The following SCUBE2 variants were observed in gnomAD, a reference collection of about 807,000 sequenced individuals.
SCUBE2 encodes signal peptide, CUB and EGF-like domain-containing protein 2.
SCUBE2 carries 114 observed loss-of-function variants against 125.9 expected under a neutral mutation model. The ratio of observed to expected loss-of-function variants is 0.91; its 90% CI spans 0.78 to 1.06. SCUBE2 has a LOEUF of 1.06. Ranked by LOEUF, SCUBE2 falls within the 50% of genes least tolerant of loss-of-function variation. The probability of loss-of-function intolerance (pLI) is 0.00; values close to 1 mark genes in which losing one functional copy is unlikely to be tolerated. For synonymous variants in SCUBE2, 459 were observed against 492.9 expected, an observed-to-expected ratio of 0.93 and a Z score of 0.91; for missense variants, 1,255 against 1,301.8, an observed-to-expected ratio of 0.96 and a Z score of 0.55.
Position 9,091,309 on chromosome 11 carries a change from G to T in SCUBE2, c.133+87C>A, listed in dbSNP as rs977603748. The T allele has an allele frequency of 7.2e-6, 7 of 971,054 alleles. No individual in the cohort carries two copies. Among genetic ancestry groups the T allele is most frequent in the Non-Finnish European group, 9.2e-6 (7 of 758,362 alleles). The allele number at this position is 971,054 out of a possible 1,614,324, so 60.2% of individuals were successfully genotyped here. On this transcript the variant is annotated intron_variant, in intron 1 of 22. Coordinates refer to ENST00000649792, the MANE Select transcript of SCUBE2 (RefSeq NM_001367977.2). This position sits in a 1 kb window ranked among gnomAD's most constrained non-coding sequence, Gnocchi z 8.5. ...CAGCCGCCAGCCCCGAGCCCCGCGCGCCCGGCTCTGGACTCCGCCGGGGAC... is the reference window on the plus strand; with the variant it reads ...CAGCCGCCAGCCCCGAGCCCCGCGCTCCCGGCTCTGGACTCCGCCGGGGAC...
At chr11:9,052,640 A>T in intron 13 of SCUBE2, 106 bp downstream of exon 13, 1 of 808,178 alleles carries the variant, frequency 1.2e-6, no homozygotes, top group Non-Finnish European at 1.9e-6. Context: ...GCATCAAGGA[A>T]ATTAACAGAA....
At chr11:9,063,596 T>C (rs1031450224) in intron 7 of SCUBE2, among the ~76,000 whole-genome samples, 3 of 152,216 alleles carry the variant, frequency 2.0e-5, no homozygotes, top group Non-Finnish European at 4.4e-5. Context: ...CAATAAAGGG[T>C]GCAGGTAGAA....
chr11:9,027,995 T>C (rs1054563985), intron 19 of SCUBE2, among the ~76,000 whole-genome samples: 1 of 152,192 alleles, frequency 6.6e-6, no homozygotes, highest in African/African-American at 2.4e-5. Flanking sequence ...GACAGACATA[T>C]ATTTTTCACT....
At chr11:9,060,637 C>G (rs1426083137) in intron 7 of SCUBE2, 113 bp from the exon 8 acceptor site, 2 of 786,886 alleles carry the variant, frequency 2.5e-6, no homozygotes, top group African/African-American at 3.4e-5. Flanking sequence ...TACCCCAAGT[C>G]TCTGCTACCT....
At chr11:9,087,579 C>A (rs1325483679) in intron 2 of SCUBE2, among the ~76,000 whole-genome samples, 6 of 152,254 alleles carry the variant, frequency 3.9e-5, no homozygotes, top group Admixed American at 3.9e-4. Flanking sequence ...GGATCACCAA[C>A]CCCACTTGCT....
At chr11:9,054,698 AGTGTAT>A (rs1465486468) in intron 10 of SCUBE2, among the ~76,000 whole-genome samples, 1 of 61,226 alleles carries the variant, frequency 1.6e-5, no homozygotes, top group African/African-American at 8.6e-5. Flanking sequence ...GCAAAGCACT[AGTGTAT>A]ATATATATAT....
chr11:9,054,733 T>A (rs1303187234), intron 10 of SCUBE2, among the ~76,000 whole-genome samples: 94 of 82,158 alleles, frequency 1.1e-3, no homozygotes, highest in Middle Eastern at 6.3e-3. Flanking sequence ...ATATTTTTTT[T>A]TTTTTTTTTT....
intron 16 of SCUBE2, among the ~76,000 whole-genome samples, chr11:9,036,066 T>G (rs944050163): frequency 2.0e-5 from 3 of 152,170 alleles, no homozygotes; most frequent in Non-Finnish European, 4.4e-5. Flanking sequence ...TTTTTTGTAT[T>G]TTTAATAGAA....
At chr11:9,051,351 G>C (rs995469928) in intron 13 of SCUBE2, among the ~76,000 whole-genome samples, 1 of 152,120 alleles carries the variant, frequency 6.6e-6, no homozygotes, top group Admixed American at 6.5e-5. Context: ...GAGAAAAAAA[G>C]GCCAGAATCC....
chr11:9,072,590 G>A (rs937802468), intron 4 of SCUBE2, among the ~76,000 whole-genome samples: 3 of 152,150 alleles, frequency 2.0e-5, no homozygotes, highest in Non-Finnish European at 4.4e-5. Flanking sequence ...ACTTTTTACA[G>A]GCTGTTCTAT....
intron 2 of SCUBE2, among the ~76,000 whole-genome samples, chr11:9,082,703 A>G (rs1485962304): frequency 6.6e-6 from 1 of 152,260 alleles, no homozygotes; most frequent in Non-Finnish European, 1.5e-5. Context: ...CATTTTGCTA[A>G]GTGAAAGAAT....
At position 9,046,850 on chromosome 11, in the gene SCUBE2, C is replaced by A. The variant is rs941686650; in HGVS notation, c.2002+506G>T. 2.6e-5 allele frequency among the ~76,000 whole-genome samples: 4 copies of A among 152,278 alleles called. No individual in the cohort carries two copies. In the South Asian group the frequency reaches 6.2e-4, roughly 24 times the overall value. ...CAAAGCAACAAATTTGAGCTGTGGG[C>A]CTAAGGCTGACAATTCTCTGGAACA... On this transcript the variant is annotated intron_variant, in intron 16 of 22. Transcript: ENST00000649792.
At position 9,091,052 on chromosome 11, in the gene SCUBE2, T is replaced by A. The variant is rs1002918769; in HGVS notation, c.133+344A>T. 3.3e-5 allele frequency among the ~76,000 whole-genome samples: 5 copies of A among 151,660 alleles called. No individual in the cohort carries two copies. The highest frequency in any genetic ancestry group is 4.8e-5 in the African/African-American group (2 of 41,272). ...GATGTGCCCGGCCCGGCCCTCAGTT[T>A]CCCCGCCTACGCTGAGGCGCGGGAC... On this transcript the variant is annotated intron_variant, in intron 1 of 22. Coordinates refer to ENST00000649792, the MANE Select transcript of SCUBE2 (RefSeq NM_001367977.2). This position sits in a 1 kb window ranked among gnomAD's most constrained non-coding sequence, Gnocchi z 8.5.
intron 7 of SCUBE2, among the ~76,000 whole-genome samples, chr11:9,065,314 A>C (rs1260265564): frequency 6.6e-6 from 1 of 152,110 alleles, no homozygotes; most frequent in Non-Finnish European, 1.5e-5. Context: ...TGCTGTTCTC[A>C]TGATAGAGTG....
intron 8 of SCUBE2, 126 bp downstream of exon 8, chr11:9,060,282 G>A: frequency 1.4e-6 from 1 of 696,682 alleles, no homozygotes. Context: ...CCATTGATAT[G>A]AATCATAAGC....
intron 6 of SCUBE2, 109 bp downstream of exon 6, chr11:9,066,588 G>C (rs1860257289): frequency 2.3e-6 from 2 of 888,738 alleles, no homozygotes; most frequent in Admixed American, 3.6e-5. Context: ...TGCTGGGGGG[G>C]CAAATGCACA....
chr11:9,049,895 T>C (rs1450790118), intron 14 of SCUBE2: 3 of 152,256 alleles, frequency 2.0e-5, no homozygotes, highest in Non-Finnish European at 4.4e-5. Flanking sequence ...TTAAAAATAC[T>C]TACCTAAAAT....
chr11:9,041,041 A>G (rs1857194972), intron 16 of SCUBE2, among the ~76,000 whole-genome samples: 1 of 152,208 alleles, frequency 6.6e-6, no homozygotes, highest in Non-Finnish European at 1.5e-5. Context: ...AATAGTCAAA[A>G]AGACTATAGG....
intron 19 of SCUBE2, among the ~76,000 whole-genome samples, chr11:9,028,203 T>G: frequency 8.2e-6 from 1 of 121,260 alleles, no homozygotes; most frequent in South Asian, 2.5e-4. Flanking sequence ...CCTGGCTAAT[T>G]TTTTTTCCTC....
Sources: gnomAD v4.1 joint callset for allele counts (sites outside exome capture counted in the v4.1 genomes callset) on GRCh38, gnomAD v4.1.1 for gene constraint, Gnocchi (gnomAD v3.1) non-coding constraint, MANE v1.5 for transcripts, NCBI Gene and HGNC (gene_info 2026-07-23, HGNC 2026-07-21) for gene names.